The following PLXNA4 variants were observed in gnomAD, a reference collection of about 807,000 sequenced individuals.
The protein encoded by PLXNA4 is plexin A4.
PLXNA4 carries 44 observed loss-of-function variants against 191.8 expected under a neutral mutation model. The ratio of observed to expected loss-of-function variants is 0.23; its 90% CI spans 0.18 to 0.29. The LOEUF (loss-of-function observed/expected upper bound fraction) is 0.29, where lower values mean the gene tolerates loss of function less well. Among genes scored for constraint, PLXNA4 ranks in the 10% least tolerant of loss-of-function variants. The pLI is 1.00. For missense variants in PLXNA4, 1,800 were observed against 2,488.8 expected, an observed-to-expected ratio of 0.72 and a Z score of 5.89; for synonymous variants, 1,082 against 1,009.5, an observed-to-expected ratio of 1.07 and a Z score of -1.36.
In PLXNA4 at chr7:132,147,959, A is replaced by T. The variant is rs1434061934; in HGVS notation, c.4805T>A (p.Val1602Glu). Reference protein sequence around the residue: ...GSVVALVSKQVTAYNAVNNST... With the variant: ...GSVVALVSKQETAYNAVNNST... The stretch of plus-strand genomic sequence containing the variant: ...GTTGTTCACTGCGTTATAGGCTGTC[A>T]CCTGCTTGGACACTAATGCCACCAC... Residue 1602 changes from valine (V) to glutamate (E), a missense_variant, in exon 27 of 32, where the codon GTG (valine) becomes GAG (glutamate). Physicochemically the swap from Val to Glu is moderately radical, Grantham distance 121. Transcript: ENST00000321063. 2 of 1,613,970 alleles carry T rather than the reference A, an allele frequency of 1.2e-6. No homozygotes were observed. Among genetic ancestry groups the T allele is most frequent in the African/African-American group, 2.7e-5 (2 of 74,872 alleles).
At chr7:132,291,703 A>G (rs1163493113) in intron 4 of PLXNA4, among the ~76,000 whole-genome samples, 1 of 152,158 alleles carries the variant, frequency 6.6e-6, no homozygotes, top group East Asian at 1.9e-4. Context: ...CCATCCATTC[A>G]TCCTCTCTAC....
intron 4 of PLXNA4, among the ~76,000 whole-genome samples, chr7:132,250,819 G>T (rs1301422462): frequency 1.3e-5 from 2 of 152,300 alleles, no homozygotes; most frequent in East Asian, 3.9e-4. Flanking sequence ...GCAGGGATTT[G>T]TCCAAGGCTA....
chr7:132,554,026 G>A (rs181266912), intron 1 of PLXNA4, among the ~76,000 whole-genome samples: 2 of 152,206 alleles, frequency 1.3e-5, no homozygotes, highest in Admixed American at 6.5e-5. Context: ...AAATAGAGAG[G>A]AGATACCCAA....
chr7:132,567,137 C>T (rs1003856361), intron 1 of PLXNA4, among the ~76,000 whole-genome samples: 2 of 152,138 alleles, frequency 1.3e-5, no homozygotes, highest in Non-Finnish European at 2.9e-5. Flanking sequence ...GGTTTCCCAA[C>T]AACAGGTCTT....
chr7:132,189,027 A>AG (rs1796999597), intron 14 of PLXNA4, among the ~76,000 whole-genome samples: 4 of 93,612 alleles, frequency 4.3e-5, no homozygotes, highest in Admixed American at 1.2e-4. Context: ...AGAGAGAGAG[A>AG]GAAAGAGAGA....
chr7:132,433,323 G>C (rs921320500), intron 3 of PLXNA4, among the ~76,000 whole-genome samples: 2 of 152,080 alleles, frequency 1.3e-5, no homozygotes, highest in South Asian at 4.1e-4. Flanking sequence ...ATGCTTTGGG[G>C]GTCCCTGAAG....
intron 22 of PLXNA4, 61 bp from the exon 23 acceptor site, chr7:132,165,261 G>A: frequency 6.3e-7 from 1 of 1,577,192 alleles, no homozygotes; most frequent in South Asian, 1.2e-5. Flanking sequence ...GCTGGTCAGA[G>A]CCCGTGGGCT....
chr7:132,456,240 T>A (rs1796312211), intron 3 of PLXNA4, among the ~76,000 whole-genome samples: 1 of 151,650 alleles, frequency 6.6e-6, no homozygotes, highest in Admixed American at 6.6e-5. Flanking sequence ...GCCTCCCGAG[T>A]AGCTGGGACT....
chr7:132,251,355 G>A (rs1286885809), intron 4 of PLXNA4, among the ~76,000 whole-genome samples: 1 of 152,186 alleles, frequency 6.6e-6, no homozygotes, highest in East Asian at 1.9e-4. Context: ...CTACTGTTGT[G>A]TGTTTCCCAA....
At chr7:132,424,104 T>A (rs1176766001) in intron 3 of PLXNA4, among the ~76,000 whole-genome samples, 1 of 151,918 alleles carries the variant, frequency 6.6e-6, no homozygotes, top group Admixed American at 6.6e-5. Flanking sequence ...GCTGAGACGT[T>A]GAAAGGCATG....
At chr7:132,433,049 G>T (rs149419955) in intron 3 of PLXNA4, among the ~76,000 whole-genome samples, 8 of 152,104 alleles carry the variant, frequency 5.3e-5, no homozygotes, top group Non-Finnish European at 8.8e-5. Flanking sequence ...GTCTAGTTCC[G>T]GTTGATACAC....
At chr7:132,323,540 C>T (rs1486951429) in intron 3 of PLXNA4, among the ~76,000 whole-genome samples, 1 of 152,168 alleles carries the variant, frequency 6.6e-6, no homozygotes, top group East Asian at 1.9e-4. Flanking sequence ...TAGGCACTCT[C>T]CCTCCAAAAT....
intron 3 of PLXNA4, among the ~76,000 whole-genome samples, chr7:132,420,404 A>G (rs1258948220): frequency 6.6e-6 from 1 of 152,172 alleles, no homozygotes; most frequent in Non-Finnish European, 1.5e-5. Flanking sequence ...TGGCTCATGC[A>G]TAGAATCTAT....
At chr7:132,355,773 T>C (rs1803677419) in intron 3 of PLXNA4, among the ~76,000 whole-genome samples, 1 of 151,586 alleles carries the variant, frequency 6.6e-6, no homozygotes, top group Non-Finnish European at 1.5e-5. Context: ...CAAGAGGCTT[T>C]GGGGAGGGAG....
intron 1 of PLXNA4, among the ~76,000 whole-genome samples, chr7:132,571,509 G>C (rs1395406192): frequency 6.6e-6 from 1 of 152,136 alleles, no homozygotes; most frequent in Non-Finnish European, 1.5e-5. Context: ...AACTCTAGGA[G>C]TAATAAATGA....
At chr7:132,595,663 C>A (rs980232319) in intron 2 of PLXNA4, among the ~76,000 whole-genome samples, 43 of 152,288 alleles carry the variant, frequency 2.8e-4, no homozygotes, top group African/African-American at 9.9e-4. Flanking sequence ...CTCGTTCAGT[C>A]AGTACATTGG....
At chr7:132,539,213 CT>C in intron 1 of PLXNA4, among the ~76,000 whole-genome samples, 1 of 152,328 alleles carries the variant, frequency 6.6e-6, no homozygotes, top group Non-Finnish European at 1.5e-5. Flanking sequence ...GACTCTGTCC[CT>C]GCCACAAAGA....
chr7:132,562,054 CCTCCTCCTTCTCCTCCTCTT>C (rs1801169531), intron 1 of PLXNA4, among the ~76,000 whole-genome samples: 1 of 106,456 alleles, frequency 9.4e-6, no homozygotes, highest in African/African-American at 4.2e-5. Flanking sequence ...TCCTCCTCTC[CCTCCTCCTTCTCCTCCTCTT>C]CCTCCTCCTC....
At chr7:132,369,240 C>T (rs1804324899) in intron 3 of PLXNA4, among the ~76,000 whole-genome samples, 1 of 152,194 alleles carries the variant, frequency 6.6e-6, no homozygotes, top group Admixed American at 6.5e-5. Context: ...TAAGCCCCTC[C>T]TTTGATTCTC....
Sources: allele counts gnomAD v4.1 joint callset (sites outside exome capture counted in the v4.1 genomes callset), GRCh38; gene constraint gnomAD v4.1.1; transcripts MANE v1.5; gene names NCBI Gene and HGNC (gene_info 2026-07-23, HGNC 2026-07-21).